DOCK9: variants seen among roughly 807,000 people sequenced by gnomAD.
The protein encoded by DOCK9 is dedicator of cytokinesis 9.
In DOCK9, 89 loss-of-function variants were observed where a neutral mutation model predicts 263.3. The ratio of observed to expected loss-of-function variants is 0.34; its 90% CI spans 0.28 to 0.40. The LOEUF is 0.40. Among genes scored for constraint, DOCK9 ranks in the 10% least tolerant of loss-of-function variants. The pLI, the probability that DOCK9 is intolerant of heterozygous loss-of-function variation, is 1.00. For missense variants in DOCK9, 2,140 were observed against 2,603.4 expected, an observed-to-expected ratio of 0.82 and a Z score of 3.87; for synonymous variants, 976 against 973.1, an observed-to-expected ratio of 1.00 and a Z score of -0.06.
chr13:98,994,929 G>A (rs902384295), intron 1 of DOCK9, among the ~76,000 whole-genome samples: 15 of 152,082 alleles, frequency 9.9e-5, no homozygotes. Flanking sequence ...TTACTTTTCT[G>A]TTCACTTTAA....
Position 98,883,127 on chromosome 13 carries a change from T to C in DOCK9, c.2474A>G (p.Gln825Arg). 1 of 1,613,308 alleles carries C rather than the reference T, an allele frequency of 6.2e-7. No homozygotes were observed. The highest frequency in any genetic ancestry group is 8.5e-7 in the Non-Finnish European group (1 of 1,179,512). Residue 825 changes from glutamine to arginine, a missense_variant, in exon 23 of 53, where the codon CAG becomes CGG. Around this residue, in one of 2 missense-constraint regions of DOCK9, gnomAD observed 1,521 missense variants for 1,741.7 expected, o/e 0.87. Transcript: ENST00000682017. ...HLVSTVYTQDQHLHNFFQYCQ... is the reference protein window; with the variant it reads ...HLVSTVYTQDRHLHNFFQYCQ... ...GTACTGGAAAAAATTATGTAAATGC[T>C]GATCCTGAGGTAGGGAAAAAGGAAA... is the stretch of plus-strand genomic sequence containing the variant.
intron 1 of DOCK9, among the ~76,000 whole-genome samples, chr13:99,047,150 A>T (rs576784083): frequency 7.2e-5 from 11 of 152,342 alleles, no homozygotes; most frequent in African/African-American, 2.6e-4. Context: ...TCCTCATGGT[A>T]AAGTTTCCCA....
chr13:98,883,678 A>ACTTT (rs1048311427), intron 22 of DOCK9, 135 bp downstream of exon 22: 1 of 574,722 alleles, frequency 1.7e-6, no homozygotes, highest in Non-Finnish European at 3.0e-6. Flanking sequence ...CTTCAGTTGT[A>ACTTT]CTTTCTTTCT....
intron 1 of DOCK9, among the ~76,000 whole-genome samples, chr13:98,999,314 ACACT>A (rs1359228823): frequency 1.2e-3 from 133 of 107,968 alleles, no homozygotes; most frequent in African/African-American, 5.0e-3. Context: ...ACACACACAC[ACACT>A]CTCTCTCTCT....
chr13:98,860,271 G>A (rs1027910185), intron 33 of DOCK9, 134 bp downstream of exon 33: 40 of 1,475,780 alleles, frequency 2.7e-5, no homozygotes, highest in Admixed American at 7.0e-5. Flanking sequence ...ATCACAAGCA[G>A]GAAAAGAATA....
chr13:98,915,533 C>G, intron 7 of DOCK9, 30 bp from the exon 8 acceptor site: 1 of 1,586,440 alleles, frequency 6.3e-7, no homozygotes, highest in Non-Finnish European at 8.6e-7. Context: ...AACAGACATA[C>G]TTTAAAAGAA....
At chr13:99,060,851 C>G (rs1291785486) in intron 1 of DOCK9, among the ~76,000 whole-genome samples, 1 of 152,174 alleles carries the variant, frequency 6.6e-6, no homozygotes, top group Admixed American at 6.5e-5. Context: ...GAGTCTGTCC[C>G]ATTTACAGCT....
At chr13:99,056,522 C>G (rs1433877960) in intron 1 of DOCK9, among the ~76,000 whole-genome samples, 3 of 152,078 alleles carry the variant, frequency 2.0e-5, no homozygotes, top group Non-Finnish European at 4.4e-5. Flanking sequence ...CTAGGTGTGG[C>G]CCAGACTTGG....
chr13:98,803,699 T>C (rs2090375155), intron 49 of DOCK9, among the ~76,000 whole-genome samples: 1 of 152,028 alleles, frequency 6.6e-6, no homozygotes, highest in Non-Finnish European at 1.5e-5. Flanking sequence ...GTTATTTGGC[T>C]TAATGAGAAT....
intron 9 of DOCK9, among the ~76,000 whole-genome samples, chr13:98,911,489 A>G (rs1434482833): frequency 6.6e-6 from 1 of 152,228 alleles, no homozygotes; most frequent in Non-Finnish European, 1.5e-5. Context: ...AGAAAAACAA[A>G]TATCTTTTAT....
chr13:98,887,143 A>ATTTTTTTTTT (rs58434344), intron 18 of DOCK9, among the ~76,000 whole-genome samples: 5 of 95,294 alleles, frequency 5.2e-5, no homozygotes, highest in African/African-American at 1.3e-4. Context: ...ATATATATAT[A>ATTTTTTTTTT]TTTTTTTTTT....
rs1396014736 is a variant in DOCK9, at chr13:98,885,015, G to A, written c.2338C>T (p.Leu780Phe). Residue 780 changes from leucine to phenylalanine, a missense_variant, in exon 21 of 53, where the codon CTT becomes TTT. Physicochemically the swap from Leu to Phe is conservative, Grantham distance 22. Around this residue, in one of 2 missense-constraint regions of DOCK9, gnomAD observed 1,521 missense variants for 1,741.7 expected, o/e 0.87. Coordinates refer to ENST00000682017, the MANE Select transcript of DOCK9 (RefSeq NM_001366683.2). ...TGGTAGCCAAGATAGCCCGAAGGAAGGTTCGCCGAGACCGGGATGTGCTGC... is the reference window on the plus strand; with the variant it reads ...TGGTAGCCAAGATAGCCCGAAGGAAAGTTCGCCGAGACCGGGATGTGCTGC... ...SEQHIPVSAN[L>F]PSGYLGYQEL... The A allele has an allele frequency of 1.2e-6, 2 of 1,613,576 alleles. No homozygotes were observed. The highest frequency in any genetic ancestry group is 8.5e-7 in the Non-Finnish European group (1 of 1,179,806).
Position 98,888,439 on chromosome 13 carries a change from T to C in DOCK9, c.1898A>G (p.Gln633Arg). 6.2e-7 allele frequency: 1 copy of C among 1,613,762 alleles called. No individual in the cohort carries two copies. Among genetic ancestry groups the C allele is most frequent in the Non-Finnish European group, 8.5e-7 (1 of 1,179,788 alleles). Reference protein sequence around the residue: ...EFVPCIPKHTQPYTIYTNHLY... With the variant: ...EFVPCIPKHTRPYTIYTNHLY... ...GTGATTGGTGTAGATGGTGTAAGGC[T>C]GAGTGTGTTTTGGTATGCAGGGCAC... is the stretch of plus-strand genomic sequence containing the variant. Residue 633 changes from glutamine (Q) to arginine (R), a missense_variant, in exon 17 of 53, where the codon CAG becomes CGG. Gln to Arg is a conservative substitution (Grantham distance 43). This residue lies in a region of DOCK9 where 1,521 missense variants were observed against 1,741.7 expected (regional missense o/e 0.87). Transcript: ENST00000682017.
intron 1 of DOCK9, among the ~76,000 whole-genome samples, chr13:99,067,207 G>A (rs2041459888): frequency 6.6e-6 from 1 of 152,170 alleles, no homozygotes; most frequent in South Asian, 2.1e-4. Flanking sequence ...GACAAGGATA[G>A]TGTCTTCACC....
chr13:98,900,084 T>C (rs2048045117), intron 13 of DOCK9, among the ~76,000 whole-genome samples: 1 of 152,220 alleles, frequency 6.6e-6, no homozygotes, highest in East Asian at 1.9e-4. Flanking sequence ...TGAGCCTTAA[T>C]TCCTGCTTTA....
At chr13:98,919,345 C>T (rs1566963599) in intron 7 of DOCK9, among the ~76,000 whole-genome samples, 2 of 151,990 alleles carry the variant, frequency 1.3e-5, no homozygotes, top group Non-Finnish European at 2.9e-5. Flanking sequence ...CCTGACCATC[C>T]GCCTCTGCCT....
At chr13:99,034,251 A>G (rs776731859) in intron 1 of DOCK9, among the ~76,000 whole-genome samples, 66 of 152,276 alleles carry the variant, frequency 4.3e-4, no homozygotes, top group Middle Eastern at 6.8e-3. Context: ...TTCCCCCAAC[A>G]TAAGTACAGA....
At chr13:98,952,708 G>A (rs2057585491) in intron 2 of DOCK9, among the ~76,000 whole-genome samples, 1 of 152,090 alleles carries the variant, frequency 6.6e-6, no homozygotes, top group Non-Finnish European at 1.5e-5. Flanking sequence ...ACCAGTAAAG[G>A]CTCAAGATCA....
intron 1 of DOCK9, among the ~76,000 whole-genome samples, chr13:99,068,559 C>A (rs373315525): frequency 1.1e-4 from 16 of 152,036 alleles, no homozygotes; most frequent in Admixed American, 1.0e-3. Context: ...CCAGCCTGGG[C>A]GACAAAGCGA....
Sources: gnomAD v4.1 joint callset for allele counts (sites outside exome capture counted in the v4.1 genomes callset) on GRCh38, gnomAD v4.1.1 for gene constraint, gnomAD v4.1.1 regional missense constraint, MANE v1.5 for transcripts, NCBI Gene and HGNC (gene_info 2026-07-23, HGNC 2026-07-21) for gene names.